The following KAT6B variants were observed in gnomAD, a reference collection of about 807,000 sequenced individuals.
KAT6B encodes lysine acetyltransferase 6B.
KAT6B carries 10 observed loss-of-function variants against 187.5 expected under a neutral mutation model. The observed-to-expected ratio is 0.05, with a 90% CI of 0.03 to 0.09. KAT6B has a LOEUF of 0.09. KAT6B is among the 10% of genes least tolerant of loss of function. The pLI is 1.00. For synonymous variants in KAT6B, 861 were observed against 926.8 expected (o/e 0.93, Z 1.29); for missense variants, 1,952 against 2,558.9 (o/e 0.76, Z 5.12).
chr10:74,976,091 C>T lies in KAT6B; in HGVS notation c.1754C>T (p.Ala585Val), dbSNP rs780418110. Residue 585 changes from alanine to valine, a missense_variant, in exon 8 of 18, where the codon GCC becomes GTC. By Grantham distance (64) the Ala-to-Val change is moderately conservative. Around this residue, in one of 9 missense-constraint regions of KAT6B, gnomAD observed 417 missense variants for 508.9 expected, o/e 0.82. Coordinates refer to ENST00000287239, the MANE Select transcript of KAT6B (RefSeq NM_012330.4). The stretch of plus-strand genomic sequence containing the variant: ...TTATCTTCCACGGCAAAATCTAAAG[C>T]CCACTTCTTTGGCAAAAGAGATATT... The part of the protein sequence containing the change: ...TELSSTAKSK[A>V]HFFGKRDIRS... The T allele has an allele frequency of 1.4e-5, 23 of 1,614,094 alleles. No homozygotes were observed. Among genetic ancestry groups the T allele is most frequent in the Admixed American group, 8.3e-5 (5 of 60,002 alleles).
At chr10:74,890,425 G>A (rs1845567784) in intron 3 of KAT6B, among the ~76,000 whole-genome samples, 1 of 152,114 alleles carries the variant, frequency 6.6e-6, no homozygotes, top group South Asian at 2.1e-4. Flanking sequence ...GATTGCTTGA[G>A]GCTAGGAGTT....
intron 1 of KAT6B, among the ~76,000 whole-genome samples, chr10:74,830,750 A>G (rs548260159): frequency 2.4e-4 from 5 of 20,716 alleles, no homozygotes; most frequent in East Asian, 1.3e-3. Context: ...ATATATATAT[A>G]TATATATATA....
intron 3 of KAT6B, among the ~76,000 whole-genome samples, chr10:74,862,784 T>A (rs1843274875): frequency 6.6e-6 from 1 of 152,160 alleles, no homozygotes; most frequent in African/African-American, 2.4e-5. Context: ...ACTGGGATAG[T>A]CGCTGCCTGA....
intron 3 of KAT6B, among the ~76,000 whole-genome samples, chr10:74,869,355 C>T (rs1020345096): frequency 1.2e-4 from 19 of 152,054 alleles, no homozygotes; most frequent in African/African-American, 2.2e-4. Flanking sequence ...TGGAGTGCAG[C>T]GGTGCGATCT....
intron 3 of KAT6B, among the ~76,000 whole-genome samples, chr10:74,892,805 G>A (rs1010514659): frequency 9.2e-5 from 14 of 152,184 alleles, no homozygotes; most frequent in Admixed American, 2.0e-4. Flanking sequence ...CTGAGAAAGC[G>A]TTCTTGAGTG....
intron 13 of KAT6B, among the ~76,000 whole-genome samples, chr10:75,012,994 G>A (rs189281512): frequency 8.4e-4 from 128 of 152,246 alleles, no homozygotes; most frequent in Non-Finnish European, 1.6e-3. Context: ...GAACTTGTGG[G>A]ATCCCAGAGA....
chr10:74,925,749 C>G (rs1459263328), intron 3 of KAT6B, among the ~76,000 whole-genome samples: 1 of 152,150 alleles, frequency 6.6e-6, no homozygotes, highest in Non-Finnish European at 1.5e-5. Flanking sequence ...ACAGTGTTAT[C>G]ACTATTGTTT....
chr10:74,969,840 AT>A, intron 5 of KAT6B, 65 bp downstream of exon 5: 1 of 1,227,156 alleles, frequency 8.1e-7, no homozygotes, highest in Non-Finnish European at 1.2e-6. Context: ...AGGTGTTTTC[AT>A]TTTTATAGAG....
intron 3 of KAT6B, among the ~76,000 whole-genome samples, chr10:74,896,361 G>T (rs1320085241): frequency 6.6e-6 from 1 of 152,032 alleles, no homozygotes; most frequent in African/African-American, 2.4e-5. Context: ...ACGGGATCTC[G>T]GCTCACTGCA....
At chr10:74,854,852 C>T (rs1005673220) in intron 3 of KAT6B, among the ~76,000 whole-genome samples, 2 of 152,194 alleles carry the variant, frequency 1.3e-5, no homozygotes, top group African/African-American at 4.8e-5. Context: ...CATGCTGGGC[C>T]TTTTCCTGTC....
Position 75,028,484 on chromosome 10 carries a change from C to T in KAT6B, c.3665-5C>T. ...TTTCCTTCCCGTTTTTGTCTCTTCA[C>T]TAAGACAATATGAATGATGATTCAA... On this transcript the variant is annotated splice_region_variant and splice_polypyrimidine_tract_variant and intron_variant, in intron 17 of 17. Transcript: ENST00000287239. 2 of 1,613,992 alleles carry T rather than the reference C, an allele frequency of 1.2e-6. No individual in the cohort carries two copies. Among genetic ancestry groups the T allele is most frequent in the Non-Finnish European group, 1.7e-6 (2 of 1,180,028 alleles).
intron 3 of KAT6B, among the ~76,000 whole-genome samples, chr10:74,858,979 T>C (rs2132265669): frequency 6.6e-6 from 1 of 152,286 alleles, no homozygotes. Context: ...TCAAGTGATC[T>C]ACCCACCTTG....
At chr10:74,836,212 A>G (rs149581902) in intron 1 of KAT6B, among the ~76,000 whole-genome samples, 150 of 152,310 alleles carry the variant, frequency 9.8e-4, no homozygotes, top group African/African-American at 3.4e-3. Context: ...TTATCTGTTC[A>G]TCTGTTGATG....
chr10:74,979,082 G>C (rs1842346310), intron 9 of KAT6B, 142 bp from the exon 10 acceptor site: 1 of 655,916 alleles, frequency 1.5e-6, no homozygotes, highest in East Asian at 2.7e-5. Context: ...TTTCATAAGG[G>C]TCTATAGTGT....
At chr10:74,828,132 C>T (rs1436228097) in intron 1 of KAT6B, among the ~76,000 whole-genome samples, 1 of 152,106 alleles carries the variant, frequency 6.6e-6, no homozygotes, top group Non-Finnish European at 1.5e-5. Context: ...GATGACCAGG[C>T]AAAGGCAGAG....
chr10:74,864,815 C>G (rs1339151268), intron 3 of KAT6B, among the ~76,000 whole-genome samples: 1 of 152,196 alleles, frequency 6.6e-6, no homozygotes, highest in Non-Finnish European at 1.5e-5. Context: ...CCTGTGTGTT[C>G]TTCTCTGAAA....
At chr10:75,017,078 G>T (rs1246683624) in intron 13 of KAT6B, among the ~76,000 whole-genome samples, 1 of 151,884 alleles carries the variant, frequency 6.6e-6, no homozygotes, top group Non-Finnish European at 1.5e-5. Context: ...GGTCAGGCTG[G>T]TCTCGAACTC....
chr10:74,965,816 C>G (rs1391082730), intron 4 of KAT6B, among the ~76,000 whole-genome samples: 1 of 151,520 alleles, frequency 6.6e-6, no homozygotes, highest in Non-Finnish European at 1.5e-5. Flanking sequence ...AGCTCCGCCT[C>G]CCGGGTTCAC....
chr10:74,927,338 T>G (rs2133126978), intron 3 of KAT6B, among the ~76,000 whole-genome samples: 1 of 151,952 alleles, frequency 6.6e-6, no homozygotes, highest in East Asian at 1.9e-4. Flanking sequence ...ACTGTTTCTG[T>G]GGGTATAAAG....
Sources: gnomAD v4.1 joint callset for allele counts (sites outside exome capture counted in the v4.1 genomes callset) on GRCh38, gnomAD v4.1.1 for gene constraint, gnomAD v4.1.1 regional missense constraint, MANE v1.5 for transcripts, NCBI Gene and HGNC (gene_info 2026-07-23, HGNC 2026-07-21) for gene names.